The following IL19 variants were observed in gnomAD, a reference collection of about 807,000 sequenced individuals.
IL19 encodes the protein interleukin 19, also known as interleukin-19.
Under a neutral mutation model 19.5 loss-of-function variants are expected in IL19, and 15 were observed. That is an observed-to-expected ratio of 0.77 (90% confidence interval 0.52 to 1.19). The LOEUF is 1.19. Ranked by LOEUF, IL19 falls within the 50% of genes most tolerant of loss-of-function variation. The pLI, the probability that IL19 is intolerant of heterozygous loss-of-function variation, is 0.00. For synonymous variants in IL19, 78 were observed against 78.3 expected, an observed-to-expected ratio of 1.00 and a Z score of 0.02; for missense variants, 199 against 213.1, an observed-to-expected ratio of 0.93 and a Z score of 0.41.
intron 2 of IL19, among the ~76,000 whole-genome samples, chr1:206,800,369 TA>T (rs754656697): frequency 2.8e-4 from 43 of 151,670 alleles, no homozygotes; most frequent in Non-Finnish European, 5.0e-4. Flanking sequence ...GGTGGTGGGG[TA>T]GGGGGGAAGG....
chr1:206,830,630 G>C (rs1266699544), intron 2 of IL19, among the ~76,000 whole-genome samples: 2 of 152,040 alleles, frequency 1.3e-5, no homozygotes, highest in African/African-American at 4.8e-5. Flanking sequence ...CCAGGCTGGA[G>C]TGCAGTGGTG....
chr1:206,799,156 C>A, intron 2 of IL19, 150 bp downstream of exon 2: 1 of 663,796 alleles, frequency 1.5e-6, no homozygotes, highest in East Asian at 2.7e-5. Context: ...TTCCTTATTG[C>A]CAGACTGCTG....
intron 1 of IL19, among the ~76,000 whole-genome samples, chr1:206,795,061 A>G (rs1377770072): frequency 6.6e-6 from 1 of 152,166 alleles, no homozygotes; most frequent in Non-Finnish European, 1.5e-5. Flanking sequence ...GCTCTGGCCC[A>G]GGTGTCTTTC....
At position 206,771,001 on chromosome 1, in the gene IL19, A is replaced by G. The variant is rs1354773439; in HGVS notation, c.-226A>G. ...TGGGTCTTGGTTCTCAGCTTGGGGC[A>G]TCACCTCCTCCAGGTAAAACTGGAT... is the stretch of plus-strand genomic sequence containing the variant. On this transcript the variant is annotated 5_prime_UTR_variant, in exon 1 of 7. Coordinates refer to ENST00000659997, the MANE Select transcript of IL19 (RefSeq NM_153758.5). 2 of 1,614,026 alleles carry G rather than the reference A, an allele frequency of 1.2e-6. No individual in the cohort carries two copies. Among genetic ancestry groups the G allele is most frequent in the South Asian group, 1.1e-5 (1 of 91,086 alleles).
At chr1:206,776,612 A>G (rs1675002354) in intron 1 of IL19, among the ~76,000 whole-genome samples, 1 of 152,120 alleles carries the variant, frequency 6.6e-6, no homozygotes, top group Admixed American at 6.5e-5. Context: ...TGGATTTCCT[A>G]GACCAACTAA....
intron 2 of IL19, among the ~76,000 whole-genome samples, chr1:206,829,365 G>C (rs1345029798): frequency 6.6e-6 from 1 of 152,178 alleles, no homozygotes; most frequent in Admixed American, 6.6e-5. Flanking sequence ...GGGTTGAAGT[G>C]GGGAGGAGGA....
chr1:206,817,761 CTT>C (rs373441723), intron 2 of IL19, among the ~76,000 whole-genome samples: 29 of 139,688 alleles, frequency 2.1e-4, no homozygotes, highest in Admixed American at 2.9e-4. Context: ...TAGAAGATTT[CTT>C]TTTTTTTTTT....
At chr1:206,773,585 T>TG (rs1558603760) in intron 1 of IL19, among the ~76,000 whole-genome samples, 2 of 130,720 alleles carry the variant, frequency 1.5e-5, no homozygotes, top group African/African-American at 5.8e-5. Flanking sequence ...TTGTCTTGGA[T>TG]TTGTGTGTGT....
intron 1 of IL19, among the ~76,000 whole-genome samples, chr1:206,793,327 C>G (rs1259582268): frequency 6.6e-6 from 1 of 152,204 alleles, no homozygotes; most frequent in East Asian, 1.9e-4. Flanking sequence ...TTAGGGGCAG[C>G]ACGTGAGCTG....
intron 2 of IL19, among the ~76,000 whole-genome samples, chr1:206,800,604 G>A (rs1055159152): frequency 1.3e-5 from 2 of 152,214 alleles, no homozygotes; most frequent in African/African-American, 4.8e-5. Flanking sequence ...GAGTGTGCAT[G>A]TGTTTAGGAA....
Position 206,842,693 on chromosome 1 carries a change from C to T in IL19, c.*71C>T. On this transcript the variant is annotated 3_prime_UTR_variant, in exon 7 of 7. Transcript: ENST00000659997. ...CGGTTTACTGTGGGAGACAGCCCAC[C>T]TTGAAGGGGAAGGAGATGGGGAAGG... 1 of 906,582 alleles carries T rather than the reference C, an allele frequency of 1.1e-6. No individual in the cohort carries two copies. The highest frequency in any genetic ancestry group is 1.7e-6 in the Non-Finnish European group (1 of 575,902). The allele number at this position is 906,582 out of a possible 1,614,324, so 56.2% of individuals were successfully genotyped here.
intron 2 of IL19, among the ~76,000 whole-genome samples, chr1:206,830,884 C>CT (rs1276217830): frequency 6.6e-6 from 1 of 152,102 alleles, no homozygotes; most frequent in African/African-American, 2.4e-5. Flanking sequence ...GCCTACGTTT[C>CT]TTTTTTTACA....
At chr1:206,801,226 C>T (rs985850569) in intron 2 of IL19, among the ~76,000 whole-genome samples, 1 of 150,666 alleles carries the variant, frequency 6.6e-6, no homozygotes, top group East Asian at 2.0e-4. Context: ...CTTTGAATTA[C>T]AAGCCTGTAG....
rs12725213 is a variant in IL19 at position 206,777,299 on chromosome 1, T to C, written c.-149+6221T>C. Among the ~76,000 whole-genome samples the C allele has an allele frequency of 2.6e-4, 33 of 128,956 alleles. 2 individuals are homozygous for C. The highest frequency in any genetic ancestry group is 8.3e-4 in the African/African-American group (27 of 32,490). 84.6% of individuals were successfully genotyped at this position (128,956 alleles called of 152,430 possible). On this transcript the variant is annotated intron_variant, in intron 1 of 6. Transcript: ENST00000659997. Reference sequence around the variant, plus strand: ...GTTGGCGCCTGTAGTCCCAGCTACTTGGGAGGCTGAGGCAGAAGAATGGCG... The same window carrying C: ...GTTGGCGCCTGTAGTCCCAGCTACTCGGGAGGCTGAGGCAGAAGAATGGCG...
intron 1 of IL19, among the ~76,000 whole-genome samples, chr1:206,792,941 A>G (rs1452974964): frequency 6.6e-6 from 1 of 152,238 alleles, no homozygotes; most frequent in Non-Finnish European, 1.5e-5. Flanking sequence ...TTGGCATATA[A>G]TTAGCTGAAA....
chr1:206,776,499 A>G (rs1674998725), intron 1 of IL19, among the ~76,000 whole-genome samples: 2 of 151,932 alleles, frequency 1.3e-5, no homozygotes, highest in African/African-American at 4.8e-5. Context: ...AGTTTACAAG[A>G]TCTTATAAAG....
chr1:206,780,353 T>C (rs1470092678), intron 1 of IL19, among the ~76,000 whole-genome samples: 1 of 152,228 alleles, frequency 6.6e-6, no homozygotes, highest in East Asian at 1.9e-4. Flanking sequence ...TAAATATTTG[T>C]TGGCTGACTG....
At chr1:206,802,684 T>G (rs551648996) in intron 2 of IL19, among the ~76,000 whole-genome samples, 10 of 152,274 alleles carry the variant, frequency 6.6e-5, no homozygotes, top group African/African-American at 2.2e-4. Context: ...TTTCTTTTTT[T>G]TTTGCCATGG....
At chr1:206,831,327 G>T (rs921099435) in intron 2 of IL19, among the ~76,000 whole-genome samples, 5 of 152,132 alleles carry the variant, frequency 3.3e-5, no homozygotes, top group Non-Finnish European at 2.9e-5. Flanking sequence ...CTCAACAAGT[G>T]GAAAATTGAG....
Sources: gnomAD v4.1 joint callset for allele counts (sites outside exome capture counted in the v4.1 genomes callset) on GRCh38, gnomAD v4.1.1 for gene constraint, MANE v1.5 for transcripts, NCBI Gene and HGNC (gene_info 2026-07-23, HGNC 2026-07-21) for gene names.